HMGXB4: variants seen among roughly 807,000 people sequenced by gnomAD.
HMGXB4 encodes HMG domain-containing protein 4.
A neutral mutation model predicts 63.9 loss-of-function variants in HMGXB4; 27 were observed. The observed-to-expected ratio is 0.42, with a 90% confidence interval of 0.31 to 0.58. The LOEUF (loss-of-function observed/expected upper bound fraction) is 0.58, where lower values mean the gene tolerates loss of function less well. HMGXB4 is among the 20% of genes least tolerant of loss of function. HMGXB4 has a pLI of 0.13. For missense variants in HMGXB4, 624 were observed against 700.7 expected (o/e 0.89, Z 1.24); for synonymous variants, 264 against 265.3 (o/e 0.99, Z 0.05).
In HMGXB4 at chr22:35,265,658, G is replaced by A. The variant is rs182885536; in HGVS notation, c.1215+55G>A. The A allele has an allele frequency of 2.2e-4, 327 of 1,460,058 alleles. 1 individual carries two copies. In the African/African-American group the frequency reaches 4.4e-3, roughly 20 times the overall value. 90.4% of individuals were successfully genotyped at this position (1,460,058 alleles called of 1,614,324 possible). On this transcript the variant is annotated intron_variant, in intron 5 of 10. Transcript: ENST00000216106. ...AAGAGATTAAGCAGGTTCTTCCTGG[G>A]TAGTCAGTGGACTTTTAAGTTAAGC... is the stretch of plus-strand genomic sequence containing the variant.
chr22:35,286,020 C>T lies in HMGXB4; in HGVS notation c.1321C>T (p.Leu441=), dbSNP rs777665865. Residue 441 remains leucine, a synonymous_variant, in exon 7 of 11, where the codon CTG becomes TTG. Transcript: ENST00000216106. ...AGATTTTGGGGAACTTAGTAAAAAACTGGCTGAGGTGTGGAAGCAATTACC... is the reference window on the plus strand; with the variant it reads ...AGATTTTGGGGAACTTAGTAAAAAATTGGCTGAGGTGTGGAAGCAATTACC... ...GIDFGELSKK[L]AEVWKQLPEK... 4.3e-6 allele frequency: 7 copies of T among 1,610,466 alleles called. No individual in the cohort carries two copies. The highest frequency in any genetic ancestry group is 5.1e-6 in the Non-Finnish European group (6 of 1,179,222).
Position 35,287,458 on chromosome 22 carries a change from G to T in HMGXB4, c.1468+6G>T. On this transcript the variant is annotated splice_donor_region_variant and intron_variant, in intron 8 of 10. Coordinates refer to ENST00000216106, the MANE Select transcript of HMGXB4 (RefSeq NM_001003681.3). ...AGGTTCCATGAAAGTCAAAGGTAGT[G>T]ACCACATCCCGCCCCTGCTTTTCTC... 2 of 1,591,546 alleles carry T rather than the reference G, an allele frequency of 1.3e-6. No individual in the cohort carries two copies. The highest frequency in any genetic ancestry group is 2.2e-5 in the South Asian group (2 of 90,106).
chr22:35,241,774 G>A, the HMGXB4 span, among the ~76,000 whole-genome samples: 9 of 152,212 alleles, frequency 5.9e-5, no homozygotes, highest in Admixed American at 2.6e-4. Flanking sequence ...ACAGTATTTG[G>A]GGTGTCTCCT....
chr22:35,292,876 TA>T, intron 9 of HMGXB4, 115 bp from the exon 10 acceptor site: 2 of 1,234,650 alleles, frequency 1.6e-6, no homozygotes, highest in Non-Finnish European at 2.3e-6. Flanking sequence ...ATTTCTGCTG[TA>T]AAGTTTCAAA....
intron 5 of HMGXB4, among the ~76,000 whole-genome samples, chr22:35,268,034 A>T (rs775066511): frequency 1.2e-4 from 18 of 152,366 alleles, no homozygotes; most frequent in Admixed American, 3.3e-4. Context: ...CAGTGAGCCA[A>T]GATCACGCCA....
chr22:35,246,450 T>A, the HMGXB4 span, among the ~76,000 whole-genome samples: 1 of 152,074 alleles, frequency 6.6e-6, no homozygotes, highest in Non-Finnish European at 1.5e-5. Context: ...TTTTTGTATT[T>A]TTTTAGTAGA....
In HMGXB4 at chr22:35,287,326, T is replaced by C. The variant is rs752982722; in HGVS notation, c.1363-21T>C. 8 of 1,554,470 alleles carry C rather than the reference T, an allele frequency of 5.1e-6. No individual in the cohort carries two copies. The East Asian group carries it at 1.8e-4, about 35-fold the overall frequency. ...TTTTGTCCTTCTTAATTTAATTTAA[T>C]GTTCACTGATGTGATTGCAGATTTG... On this transcript the variant is annotated intron_variant, in intron 7 of 10. Transcript: ENST00000216106.
the HMGXB4 span, among the ~76,000 whole-genome samples, chr22:35,247,502 C>T: frequency 3.9e-5 from 6 of 152,334 alleles, no homozygotes; most frequent in East Asian, 1.2e-3. Flanking sequence ...CCAGTTAGCG[C>T]TCTCCTCTTC....
rs374037009 is a variant in HMGXB4 at position 35,263,149 on chromosome 22, C to T, written c.103C>T (p.Arg35Cys). 3.7e-6 allele frequency: 6 copies of T among 1,613,812 alleles called. No individual in the cohort carries two copies. Among genetic ancestry groups the T allele is most frequent in the East Asian group, 2.2e-5 (1 of 44,880 alleles). The change falls in exon 3 of 11, where the codon CGT becomes TGT. Residue 35 changes from arginine (R) to cysteine (C), a missense_variant. Coordinates refer to ENST00000216106, the MANE Select transcript of HMGXB4 (RefSeq NM_001003681.3). ...TGGCCGAAGCCAACGAGAGAAAAAA[C>T]GTTCTTACAAAGATTTTTTAAGGGA... ...AAGRSQREKK[R>C]SYKDFLREEE...
intron 5 of HMGXB4, among the ~76,000 whole-genome samples, chr22:35,275,093 T>G (rs1923827146): frequency 6.6e-6 from 1 of 150,802 alleles, no homozygotes; most frequent in South Asian, 2.1e-4. Flanking sequence ...GTACGTAGTA[T>G]TAACATCACC....
At chr22:35,256,709 C>A (rs1601619003), upstream of HMGXB4, among the ~76,000 whole-genome samples, 1 of 152,260 alleles carries the variant, frequency 6.6e-6, no homozygotes, top group South Asian at 2.1e-4. Context: ...CCACATTGGT[C>A]AGGCTGGTCT....
At chr22:35,251,937 G>A in the HMGXB4 span, among the ~76,000 whole-genome samples, 7 of 152,184 alleles carry the variant, frequency 4.6e-5, no homozygotes, top group Non-Finnish European at 8.8e-5. Context: ...TTGGTCAGGT[G>A]CGGTGACTGG....
chr22:35,267,645 C>A (rs1440187368), intron 5 of HMGXB4, among the ~76,000 whole-genome samples: 1 of 150,476 alleles, frequency 6.6e-6, no homozygotes, highest in Admixed American at 6.6e-5. Context: ...TTCTGTATTC[C>A]CAGTATCCCG....
At chr22:35,280,541 C>T (rs1924184085) in intron 5 of HMGXB4, among the ~76,000 whole-genome samples, 2 of 152,320 alleles carry the variant, frequency 1.3e-5, no homozygotes, top group East Asian at 3.9e-4. Flanking sequence ...CCCTTCCCCG[C>T]ACTCCTGCAG....
At chr22:35,263,692 C>A in intron 3 of HMGXB4, 104 bp from the exon 4 acceptor site, 2 of 773,780 alleles carry the variant, frequency 2.6e-6, no homozygotes, top group Non-Finnish European at 4.6e-6. Context: ...TTTATTATTT[C>A]TTGTGCTTTG....
intron 5 of HMGXB4, among the ~76,000 whole-genome samples, chr22:35,280,005 G>A (rs1163904785): frequency 1.3e-5 from 2 of 152,098 alleles, no homozygotes; most frequent in African/African-American, 4.8e-5. Context: ...AGAATCAGTT[G>A]ATGTCTTCAA....
In HMGXB4 at chr22:35,293,065, G is replaced by T; in HGVS notation, c.1712G>T (p.Cys571Phe). The change falls in exon 10 of 11, where the codon TGT becomes TTT. Residue 571 changes from cysteine to phenylalanine, a missense_variant. Physicochemically the swap from Cys to Phe is radical, Grantham distance 205. Coordinates refer to ENST00000216106, the MANE Select transcript of HMGXB4 (RefSeq NM_001003681.3). ...ATCTGTGCCCTTGGCCCCTTGGCAT[G>T]TCTCACCACACAACTACCTGAATTG... is the stretch of plus-strand genomic sequence containing the variant. The part of the protein sequence containing the change: ...SIICALGPLA[C>F]LTTQLPELNG... 6.2e-7 allele frequency: 1 copy of T among 1,614,224 alleles called. No homozygotes were observed. Among genetic ancestry groups the T allele is most frequent in the Non-Finnish European group, 8.5e-7 (1 of 1,180,040 alleles).
intron 9 of HMGXB4, among the ~76,000 whole-genome samples, chr22:35,289,371 A>C (rs1924794773): frequency 6.6e-6 from 1 of 152,094 alleles, no homozygotes; most frequent in African/African-American, 2.4e-5. Flanking sequence ...AGGCAGATGG[A>C]TTGCTTGAGC....
rs1923075118 is a variant in HMGXB4 at position 35,264,678 on chromosome 22, A to T, written c.290A>T (p.Lys97Ile). 1.3e-6 allele frequency: 2 copies of T among 1,578,830 alleles called. No individual in the cohort carries two copies. Among genetic ancestry groups the T allele is most frequent in the Non-Finnish European group, 1.7e-6 (2 of 1,166,474 alleles). ...DISSLESSQK[K>I]KKKSSPQSTD... The stretch of plus-strand genomic sequence containing the variant: ...TCGTCTTTGGAATCGTCACAGAAGA[A>T]AAAGAAAAAGTCCAGCCCACAGTCT... The change falls in exon 5 of 11, where the codon AAA becomes ATA. Residue 97 changes from lysine to isoleucine, a missense_variant. By Grantham distance (102) the Lys-to-Ile change is moderately radical. This residue lies in a region of HMGXB4 where 472 missense variants were observed against 470.6 expected (regional missense o/e 1.00). Coordinates refer to ENST00000216106, the MANE Select transcript of HMGXB4 (RefSeq NM_001003681.3).
Sources: gnomAD v4.1 joint callset for allele counts (sites outside exome capture counted in the v4.1 genomes callset) on GRCh38, gnomAD v4.1.1 for gene constraint, gnomAD v4.1.1 regional missense constraint, MANE v1.5 for transcripts, NCBI Gene and HGNC (gene_info 2026-07-23, HGNC 2026-07-21) for gene names.